Variants in OSBPL8 observed in about 807,000 individuals in gnomAD.
OSBPL8 encodes oxysterol-binding protein-related protein 8.
OSBPL8 carries 59 observed loss-of-function variants against 125.5 expected under a neutral mutation model. The ratio of observed to expected loss-of-function variants is 0.47; its 90% CI spans 0.38 to 0.58. OSBPL8 has a LOEUF of 0.58. Ranked by LOEUF, OSBPL8 falls within the 20% of genes least tolerant of loss-of-function variation. OSBPL8 has a pLI of 0.00. For synonymous variants in OSBPL8, 330 were observed against 338.9 expected (o/e 0.97, Z 0.29); for missense variants, 758 against 1,047.8 (o/e 0.72, Z 3.82).
intron 14 of OSBPL8, among the ~76,000 whole-genome samples, chr12:76,385,842 C>G (rs1953285986): frequency 6.6e-6 from 1 of 151,346 alleles, no homozygotes; most frequent in South Asian, 2.1e-4. Flanking sequence ...GAATGCCACA[C>G]CACTGAATAA....
rs1270870454 is a variant in OSBPL8, at chr12:76,386,658, G to A, written c.1355C>T (p.Ala452Val). 4 of 1,595,330 alleles carry A rather than the reference G, an allele frequency of 2.5e-6. No homozygotes were observed. Among genetic ancestry groups the A allele is most frequent in the Non-Finnish European group, 2.6e-6 (3 of 1,170,270 alleles). ...YYYHADFLSE[A>V]ALEENPYFRL... Reference sequence around the variant, plus strand: ...GAAATAAGGATTTTCTTCAAGAGCTGCCCTAAAACACAAAACGGTAAACAA... The same window carrying A: ...GAAATAAGGATTTTCTTCAAGAGCTACCCTAAAACACAAAACGGTAAACAA... Residue 452 changes from alanine to valine, a missense_variant and splice_region_variant, in exon 13 of 24, where the codon GCA becomes GTA. By Grantham distance (64) the Ala-to-Val change is moderately conservative (BLOSUM62 0). Around this residue, in one of 3 missense-constraint regions of OSBPL8, gnomAD observed 572 missense variants for 762.0 expected, o/e 0.75. Coordinates refer to ENST00000261183, the MANE Select transcript of OSBPL8 (RefSeq NM_020841.5).
At chr12:76,420,472 G>A (rs778328333) in intron 4 of OSBPL8, among the ~76,000 whole-genome samples, 1 of 151,966 alleles carries the variant, frequency 6.6e-6, no homozygotes, top group African/African-American at 2.4e-5. Flanking sequence ...CATCACTATG[G>A]GTACAGGGGC....
intron 1 of OSBPL8, among the ~76,000 whole-genome samples, chr12:76,523,969 A>G (rs139355456): frequency 6.6e-6 from 1 of 152,322 alleles, no homozygotes; most frequent in African/African-American, 2.4e-5. Flanking sequence ...AAAGACTATG[A>G]TGACTATAAA....
At chr12:76,380,453 C>T (rs1461279259) in intron 15 of OSBPL8, among the ~76,000 whole-genome samples, 3 of 145,662 alleles carry the variant, frequency 2.1e-5, no homozygotes, top group Non-Finnish European at 4.5e-5. Flanking sequence ...GTAATCCCAG[C>T]TACTCAGGAG....
intron 1 of OSBPL8, among the ~76,000 whole-genome samples, chr12:76,521,407 T>C (rs1381004255): frequency 6.6e-6 from 1 of 152,032 alleles, no homozygotes; most frequent in Non-Finnish European, 1.5e-5. Context: ...CCTCAAAAGA[T>C]TAAAAAACAG....
rs1433415616 is a variant in OSBPL8 at position 76,410,615 on chromosome 12, T to C, written c.237A>G (p.Glu79=). ...ATTCATCTTTATTTTGAGAAATATC[T>C]TCCTTCCCTCTTTCAAAACCTTAAA... The part of the protein sequence containing the change: ...PHSQGFERGK[E]DISQNKDESS... The change falls in exon 5 of 24, where the codon GAA becomes GAG. Residue 79 remains glutamate, a synonymous_variant. Transcript: ENST00000261183. The C allele has an allele frequency of 6.2e-7, 1 of 1,606,904 alleles. No homozygotes were observed. The highest frequency in any genetic ancestry group is 1.7e-5 in the Admixed American group (1 of 59,996).
intron 4 of OSBPL8, among the ~76,000 whole-genome samples, chr12:76,447,710 A>AT (rs1273729228): frequency 2.6e-5 from 4 of 151,992 alleles, no homozygotes; most frequent in Non-Finnish European, 2.9e-5. Context: ...AGCCTGGCTA[A>AT]TTTTTTTGTA....
At chr12:76,411,919 T>C (rs1461895647) in intron 4 of OSBPL8, among the ~76,000 whole-genome samples, 4 of 152,160 alleles carry the variant, frequency 2.6e-5, no homozygotes, top group Non-Finnish European at 5.9e-5. Flanking sequence ...TGTTCACTAC[T>C]GGTGAGAACA....
intron 1 of OSBPL8, among the ~76,000 whole-genome samples, chr12:76,540,030 T>C (rs1950600074): frequency 6.6e-6 from 1 of 152,212 alleles, no homozygotes; most frequent in Admixed American, 6.5e-5. Flanking sequence ...TAAGAAATCA[T>C]CTTTTTGAAT....
chr12:76,551,131 TTTTATAAAAACAACATAGC>T (rs1950924992), intron 1 of OSBPL8, among the ~76,000 whole-genome samples: 1 of 152,010 alleles, frequency 6.6e-6, no homozygotes, highest in Non-Finnish European at 1.5e-5. Context: ...AACTAGGATG[TTTTATAAAAACAACATAGC>T]TTCCTTTATT....
At chr12:76,494,808 T>C (rs1282393832) in intron 1 of OSBPL8, among the ~76,000 whole-genome samples, 1 of 152,152 alleles carries the variant, frequency 6.6e-6, no homozygotes. Context: ...TTCATATTCG[T>C]GTGGGCCTGT....
chr12:76,517,146 T>C (rs1238609189), intron 1 of OSBPL8, among the ~76,000 whole-genome samples: 1 of 152,196 alleles, frequency 6.6e-6, no homozygotes, highest in Non-Finnish European at 1.5e-5. Context: ...TGGGTGCTTA[T>C]ATAAGGGTTG....
At position 76,354,763 on chromosome 12, in the gene OSBPL8, TAAGAA is replaced by T. The variant is rs1055634159; in HGVS notation, c.*1121_*1125del. The T allele has an allele frequency of 7.2e-5, 11 of 152,090 alleles. No individual in the cohort carries two copies. The highest frequency in any genetic ancestry group is 4.6e-4 in the Admixed American group (7 of 15,290). The allele number at this position is 152,090 out of a possible 1,614,324, so 9.4% of individuals were successfully genotyped here. On this transcript the variant is annotated 3_prime_UTR_variant, in exon 24 of 24. Coordinates refer to ENST00000261183, the MANE Select transcript of OSBPL8 (RefSeq NM_020841.5). The stretch of plus-strand genomic sequence containing the variant: ...TGGTTTTGCCACAGAAAGAAGTTAC[TAAGAA>T]GAGAGGAGGATAATAAAAAAATTAA...
At chr12:76,525,083 G>A (rs1950134714) in intron 1 of OSBPL8, among the ~76,000 whole-genome samples, 1 of 151,916 alleles carries the variant, frequency 6.6e-6, no homozygotes, top group Non-Finnish European at 1.5e-5. Flanking sequence ...TGCAAAGGGG[G>A]GTAAAAACAG....
chr12:76,490,564 T>A (rs1326095974), intron 1 of OSBPL8, among the ~76,000 whole-genome samples: 1 of 152,164 alleles, frequency 6.6e-6, no homozygotes, highest in African/African-American at 2.4e-5. Flanking sequence ...ACCTGCCCCA[T>A]CCCCTTTTCA....
intron 15 of OSBPL8, 56 bp from the exon 16 acceptor site, chr12:76,378,606 CA>C: frequency 8.0e-7 from 1 of 1,246,610 alleles, no homozygotes. Flanking sequence ...CAATTCAAAA[CA>C]AACAAAATAT....
intron 2 of OSBPL8, among the ~76,000 whole-genome samples, chr12:76,474,762 C>T (rs1400065409): frequency 6.6e-6 from 1 of 152,188 alleles, no homozygotes. Context: ...GGATTACAGG[C>T]GTGAGCCACT....
At chr12:76,491,264 C>T (rs1009100053) in intron 1 of OSBPL8, among the ~76,000 whole-genome samples, 1 of 152,178 alleles carries the variant, frequency 6.6e-6, no homozygotes, top group African/African-American at 2.4e-5. Context: ...GACTTTTTCA[C>T]TAACAAAACC....
At chr12:76,550,939 T>G (rs1275204974) in intron 1 of OSBPL8, among the ~76,000 whole-genome samples, 1 of 152,096 alleles carries the variant, frequency 6.6e-6, no homozygotes, top group African/African-American at 2.4e-5. Context: ...CCAGCCACAG[T>G]GGCACAAACC....
Sources: allele counts gnomAD v4.1 joint callset (sites outside exome capture counted in the v4.1 genomes callset), GRCh38; gene constraint gnomAD v4.1.1; regional missense constraint gnomAD v4.1.1; transcripts MANE v1.5; gene names NCBI Gene and HGNC (gene_info 2026-07-23, HGNC 2026-07-21).